Variants in TMEM132C observed in about 807,000 individuals in gnomAD.
The protein encoded by TMEM132C is transmembrane protein 132C.
A neutral mutation model predicts 61.4 loss-of-function variants in TMEM132C; 29 were observed. The observed-to-expected ratio is 0.47, with a 90% confidence interval of 0.35 to 0.64. The LOEUF is 0.64. Ranked by LOEUF, TMEM132C falls within the 30% of genes least tolerant of loss-of-function variation. The pLI is 0.00. For missense variants in TMEM132C, 1,408 were observed against 1,476.9 expected (o/e 0.95, Z 0.76); for synonymous variants, 656 against 633.1 (o/e 1.04, Z -0.54).
intron 1 of TMEM132C, among the ~76,000 whole-genome samples, chr12:128,308,405 C>T (rs1048960618): frequency 4.0e-5 from 6 of 151,654 alleles, no homozygotes; most frequent in African/African-American, 1.5e-4. Context: ...ATTTCTTGTT[C>T]CACATTCTGG....
intron 1 of TMEM132C, among the ~76,000 whole-genome samples, chr12:128,319,991 A>G (rs946876848): frequency 1.3e-5 from 2 of 152,150 alleles, no homozygotes; most frequent in African/African-American, 2.4e-5. Flanking sequence ...AAAATTGTCA[A>G]TGTAAAGATT....
intron 1 of TMEM132C, among the ~76,000 whole-genome samples, chr12:128,347,081 T>TA (rs2135959226): frequency 6.6e-6 from 1 of 152,286 alleles, no homozygotes; most frequent in East Asian, 1.9e-4. Flanking sequence ...AGTTCCCTCT[T>TA]ATCCTTCCCC....
intron 1 of TMEM132C, among the ~76,000 whole-genome samples, chr12:128,293,260 G>A (rs757214268): frequency 3.3e-5 from 5 of 152,124 alleles, no homozygotes; most frequent in Admixed American, 1.3e-4. Flanking sequence ...TCAGGGGGCC[G>A]TTTCATTGCA....
intron 2 of TMEM132C, among the ~76,000 whole-genome samples, chr12:128,538,641 C>A (rs1873624946): frequency 6.6e-6 from 1 of 152,210 alleles, no homozygotes; most frequent in Non-Finnish European, 1.5e-5. Context: ...CTCCCTTTTA[C>A]TGCTTCTCTC....
intron 2 of TMEM132C, among the ~76,000 whole-genome samples, chr12:128,514,525 G>C (rs1872660832): frequency 6.6e-6 from 1 of 152,050 alleles, no homozygotes; most frequent in African/African-American, 2.4e-5. Flanking sequence ...GTGGTGGCAG[G>C]CGGGGTGCGG....
At chr12:128,281,242 A>G (rs1326867045) in intron 1 of TMEM132C, among the ~76,000 whole-genome samples, 1 of 152,204 alleles carries the variant, frequency 6.6e-6, no homozygotes, top group African/African-American at 2.4e-5. Context: ...CAGAGGCAAA[A>G]TGAGATAGAT....
chr12:128,319,125 ACT>A (rs1023285018), intron 1 of TMEM132C, among the ~76,000 whole-genome samples: 3 of 152,134 alleles, frequency 2.0e-5, no homozygotes, highest in African/African-American at 7.2e-5. Context: ...TAGGATCTGG[ACT>A]CTCTGCTCGT....
At chr12:128,568,153 T>C (rs1407158149) in intron 3 of TMEM132C, among the ~76,000 whole-genome samples, 5 of 152,226 alleles carry the variant, frequency 3.3e-5, no homozygotes, top group Non-Finnish European at 7.3e-5. Flanking sequence ...GATTGCTTCG[T>C]TTCTTTTCAA....
intron 4 of TMEM132C, among the ~76,000 whole-genome samples, chr12:128,627,264 T>G (rs765466584): frequency 1.3e-5 from 2 of 152,224 alleles, no homozygotes; most frequent in Non-Finnish European, 2.9e-5. Context: ...CCTTATGTTT[T>G]CATTTGTTTG....
chr12:128,684,448 C>T (rs372892473), intron 5 of TMEM132C, among the ~76,000 whole-genome samples: 1 of 152,362 alleles, frequency 6.6e-6, no homozygotes, highest in African/African-American at 2.4e-5. Flanking sequence ...CCCTACTAGT[C>T]TGACCCGCAA....
intron 8 of TMEM132C, among the ~76,000 whole-genome samples, chr12:128,699,199 G>C (rs1954786693): frequency 6.6e-6 from 1 of 152,210 alleles, no homozygotes; most frequent in African/African-American, 2.4e-5. Flanking sequence ...ATGATGCTCA[G>C]TGCTCAGAGA....
intron 2 of TMEM132C, among the ~76,000 whole-genome samples, chr12:128,505,636 G>A (rs1166655231): frequency 1.3e-5 from 2 of 152,170 alleles, no homozygotes; most frequent in Admixed American, 1.3e-4. Context: ...CACCTAGGAG[G>A]CCCTCAATAG....
chr12:128,379,051 C>T (rs1358350238), intron 1 of TMEM132C, among the ~76,000 whole-genome samples: 1 of 152,184 alleles, frequency 6.6e-6, no homozygotes, highest in Non-Finnish European at 1.5e-5. Context: ...GTCCATTCAA[C>T]CTCTTTTCTT....
chr12:128,682,847 G>T (rs1954646468), intron 5 of TMEM132C, among the ~76,000 whole-genome samples: 1 of 152,294 alleles, frequency 6.6e-6, no homozygotes, highest in East Asian at 1.9e-4. Context: ...CCTCCTCCGA[G>T]GCCTCCAGGG....
intron 1 of TMEM132C, among the ~76,000 whole-genome samples, chr12:128,295,874 T>C (rs765141369): frequency 6.6e-6 from 1 of 152,194 alleles, no homozygotes; most frequent in Non-Finnish European, 1.5e-5. Flanking sequence ...TCTGTCTTTC[T>C]CTCTGCTCTG....
intron 3 of TMEM132C, among the ~76,000 whole-genome samples, chr12:128,589,181 G>A (rs1022059144): frequency 2.0e-5 from 3 of 152,148 alleles, no homozygotes; most frequent in Non-Finnish European, 4.4e-5. Context: ...GTCATGCACA[G>A]CTCTCCCGAT....
intron 2 of TMEM132C, among the ~76,000 whole-genome samples, chr12:128,451,627 A>T (rs1404344125): frequency 1.3e-5 from 2 of 152,214 alleles, no homozygotes; most frequent in African/African-American, 4.8e-5. Flanking sequence ...TAAAATTTGA[A>T]GGGGAGTAAG....
intron 4 of TMEM132C, among the ~76,000 whole-genome samples, chr12:128,655,415 C>G (rs1250572664): frequency 6.6e-6 from 1 of 152,074 alleles, no homozygotes; most frequent in Non-Finnish European, 1.5e-5. Flanking sequence ...CTGGTTGCAC[C>G]TAACAGAGTC....
intron 1 of TMEM132C, among the ~76,000 whole-genome samples, chr12:128,285,462 G>A (rs770013661): frequency 1.4e-4 from 22 of 152,082 alleles, no homozygotes; most frequent in Non-Finnish European, 2.2e-4. Flanking sequence ...GCTTAATGTC[G>A]TTGCCAGGGA....
Sources: gnomAD v4.1 joint callset for allele counts (sites outside exome capture counted in the v4.1 genomes callset) on GRCh38, gnomAD v4.1.1 for gene constraint, MANE v1.5 for transcripts, NCBI Gene and HGNC (gene_info 2026-07-23, HGNC 2026-07-21) for gene names.